Variants in NRG3 observed in about 807,000 individuals in gnomAD.
NRG3 encodes pro-neuregulin-3, membrane-bound isoform.
In NRG3, 31 loss-of-function variants were observed where a neutral mutation model predicts 66.9. That is an observed-to-expected ratio of 0.46 (90% confidence interval 0.35 to 0.63). The LOEUF is 0.63. Ranked by LOEUF, NRG3 falls within the 20% of genes least tolerant of loss-of-function variation. NRG3 has a pLI of 0.00. For missense variants in NRG3, 910 were observed against 878.9 expected (o/e 1.04, Z -0.45); for synonymous variants, 393 against 359.4 (o/e 1.09, Z -1.06).
At chr10:82,430,669 G>C (rs532250983) in intron 2 of NRG3, among the ~76,000 whole-genome samples, 2 of 152,042 alleles carry the variant, frequency 1.3e-5, no homozygotes, top group African/African-American at 4.8e-5. Flanking sequence ...TTTTGTTTTT[G>C]TTGTTGTTTG....
At chr10:82,855,715 C>G (rs2135873479) in intron 3 of NRG3, among the ~76,000 whole-genome samples, 1 of 151,706 alleles carries the variant, frequency 6.6e-6, no homozygotes, top group African/African-American at 2.4e-5. Context: ...TTCATTGATA[C>G]TAATGTAGAT....
chr10:82,115,338 AT>A (rs1421578917), intron 1 of NRG3, among the ~76,000 whole-genome samples: 5 of 152,156 alleles, frequency 3.3e-5, no homozygotes, highest in Admixed American at 3.3e-4. Flanking sequence ...ATCATTTGAC[AT>A]TTTGGTCATA....
chr10:82,276,214 A>G (rs1033683718), intron 1 of NRG3, among the ~76,000 whole-genome samples: 2 of 152,018 alleles, frequency 1.3e-5, no homozygotes, highest in Admixed American at 6.6e-5. Flanking sequence ...TATTAACACA[A>G]AGTAGTAATG....
At chr10:82,421,956 A>G (rs1021715221) in intron 2 of NRG3, among the ~76,000 whole-genome samples, 1 of 152,116 alleles carries the variant, frequency 6.6e-6, no homozygotes, top group African/African-American at 2.4e-5. Flanking sequence ...AAATAAACCC[A>G]TCAAGTAGTG....
chr10:82,763,164 C>G (rs1464245641), intron 3 of NRG3, among the ~76,000 whole-genome samples: 1 of 152,106 alleles, frequency 6.6e-6, no homozygotes, highest in Non-Finnish European at 1.5e-5. Flanking sequence ...AAGAATGAAT[C>G]TTAGATTGTA....
chr10:82,721,123 C>CTTTT (rs531541747), intron 2 of NRG3, among the ~76,000 whole-genome samples: 3 of 47,866 alleles, frequency 6.3e-5, no homozygotes, highest in Non-Finnish European at 7.1e-5. Flanking sequence ...GAGTTTCACC[C>CTTTT]TTTTTTTTTT....
At chr10:82,539,968 A>G (rs1219836045) in intron 2 of NRG3, among the ~76,000 whole-genome samples, 6 of 152,058 alleles carry the variant, frequency 3.9e-5, no homozygotes, top group African/African-American at 1.4e-4. Context: ...ATAATCAACT[A>G]CTTTTGACTA....
rs2043365404 is a variant in NRG3, at chr10:82,539,259, G to A, written c.953+180391G>A. Among the ~76,000 whole-genome samples the A allele has an allele frequency of 2.0e-5, 3 of 152,160 alleles. No individual in the cohort carries two copies. In the South Asian group the frequency reaches 6.2e-4, roughly 32 times the overall value. ...TGCATGATAAGGGTTTTGTGCAATT[G>A]TTAAAGCATGAGCTCTAACTTTACC... On this transcript the variant is annotated intron_variant, in intron 2 of 8. Coordinates refer to ENST00000372141, the MANE Select transcript of NRG3 (RefSeq NM_001010848.4).
chr10:82,096,301 C>G (rs1394012665), intron 1 of NRG3, among the ~76,000 whole-genome samples: 1 of 151,878 alleles, frequency 6.6e-6, no homozygotes, highest in African/African-American at 2.4e-5. Context: ...ATGGTGAAAC[C>G]CCATCTCTAC....
At chr10:82,421,537 A>AC (rs1211751292) in intron 2 of NRG3, among the ~76,000 whole-genome samples, 1 of 152,078 alleles carries the variant, frequency 6.6e-6, no homozygotes, top group East Asian at 1.9e-4. Context: ...GATCTGGATC[A>AC]CCCCCAGCAG....
intron 1 of NRG3, among the ~76,000 whole-genome samples, chr10:82,253,011 AC>A (rs1228062013): frequency 4.0e-5 from 6 of 151,606 alleles, no homozygotes; most frequent in Non-Finnish European, 5.9e-5. Context: ...TTCATCCAAC[AC>A]CCCGATCTCT....
intron 2 of NRG3, among the ~76,000 whole-genome samples, chr10:82,413,993 G>T (rs1384895493): frequency 6.6e-6 from 1 of 152,032 alleles, no homozygotes; most frequent in Non-Finnish European, 1.5e-5. Context: ...TAGCAATAAG[G>T]CTTTTTTGCT....
intron 2 of NRG3, among the ~76,000 whole-genome samples, chr10:82,641,429 G>T (rs931181597): frequency 6.6e-6 from 1 of 152,084 alleles, no homozygotes; most frequent in Non-Finnish European, 1.5e-5. Flanking sequence ...TTATGGGCTT[G>T]CAATGCTATT....
At chr10:82,164,646 A>T (rs940618932) in intron 1 of NRG3, among the ~76,000 whole-genome samples, 1 of 152,010 alleles carries the variant, frequency 6.6e-6, no homozygotes, top group African/African-American at 2.4e-5. Context: ...AGCAGGGGGG[A>T]GATTTGGAGT....
At chr10:81,983,936 G>A (rs1435955895) in intron 1 of NRG3, among the ~76,000 whole-genome samples, 3 of 152,122 alleles carry the variant, frequency 2.0e-5, no homozygotes, top group African/African-American at 7.2e-5. Flanking sequence ...GATCATCCTG[G>A]TGAACTGCTA....
intron 1 of NRG3, among the ~76,000 whole-genome samples, chr10:81,951,799 G>A (rs957424881): frequency 6.6e-6 from 1 of 152,312 alleles, no homozygotes; most frequent in Admixed American, 6.5e-5. Context: ...TATAAATCAT[G>A]CTGCTATAAA....
intron 2 of NRG3, among the ~76,000 whole-genome samples, chr10:82,363,210 C>G (rs1330373746): frequency 6.6e-6 from 1 of 152,132 alleles, no homozygotes; most frequent in Admixed American, 6.6e-5. Context: ...CATAATCTAT[C>G]TAAAAAGAAA....
intron 2 of NRG3, among the ~76,000 whole-genome samples, chr10:82,539,143 T>C (rs2043358475): frequency 6.6e-6 from 1 of 152,204 alleles, no homozygotes; most frequent in Admixed American, 6.5e-5. Flanking sequence ...ATTGTCTCCA[T>C]TTAGAGCAAT....
chr10:82,919,125 T>C lies in NRG3; in HGVS notation c.1055-32344T>C, dbSNP rs560846993. Among the ~76,000 whole-genome samples the C allele has an allele frequency of 9.8e-4, 147 of 150,426 alleles. 1 individual carries two copies. The Admixed American group carries it at 9.8e-3, about 10-fold the overall frequency. ...TATGTGTGTGTGTTCCTATTACAAG[T>C]AATAAATGAAAAAGTCATCTCCATT... On this transcript the variant is annotated intron_variant, in intron 4 of 8. Transcript: ENST00000372141.
Sources: gnomAD v4.1 joint callset for allele counts (sites outside exome capture counted in the v4.1 genomes callset) on GRCh38, gnomAD v4.1.1 for gene constraint, MANE v1.5 for transcripts, NCBI Gene and HGNC (gene_info 2026-07-23, HGNC 2026-07-21) for gene names.